Variants in ENAM observed in about 807,000 individuals in gnomAD.
ENAM encodes enamelin.
ENAM carries 21 observed loss-of-function variants against 33.6 expected under a neutral mutation model. That is an observed-to-expected ratio of 0.63 (90% confidence interval 0.44 to 0.90). The LOEUF (loss-of-function observed/expected upper bound fraction) is 0.90, where lower values mean the gene tolerates loss of function less well. Among genes scored for constraint, ENAM ranks in the 40% least tolerant of loss-of-function variants. The pLI is 0.00. For missense variants in ENAM, 1,388 were observed against 1,366.9 expected (o/e 1.02, Z -0.24); for synonymous variants, 473 against 468.4 (o/e 1.01, Z -0.13).
chr4:70,632,843 C>T, intron 5 of ENAM, 151 bp downstream of exon 5: 1 of 685,136 alleles, frequency 1.5e-6, no homozygotes, highest in Non-Finnish European at 2.7e-6. Flanking sequence ...AATTATTGCC[C>T]CTATCCTCTC....
chr4:70,638,563 G>A (rs547234312), intron 8 of ENAM, among the ~76,000 whole-genome samples: 18 of 147,296 alleles, frequency 1.2e-4, no homozygotes, highest in African/African-American at 4.0e-4. Flanking sequence ...GTGACAGAGC[G>A]AGACTATCTC....
chr4:70,643,933 CTA>C lies in ENAM; in HGVS notation c.2508_2509del (p.Arg837AspfsTer13), dbSNP rs868059908. 9 of 1,614,144 alleles carry C rather than the reference CTA, an allele frequency of 5.6e-6. No homozygotes were observed. The highest frequency in any genetic ancestry group is 7.6e-6 in the Non-Finnish European group (9 of 1,179,980). On this transcript the variant is annotated frameshift_variant, in exon 9 of 9. Coordinates refer to ENST00000396073, the MANE Select transcript of ENAM (RefSeq NM_031889.3). LOFTEE classifies it low-confidence loss of function (END_TRUNC). ...AATTTGAACTATGGCATGCAAATAA[CTA>C]GGATGAATTCTCCAGAGAGAGAACA...
At chr4:70,641,390 T>C (rs1207820802) in intron 8 of ENAM, among the ~76,000 whole-genome samples, 3 of 149,764 alleles carry the variant, frequency 2.0e-5, no homozygotes, top group Admixed American at 6.6e-5. Context: ...ATTTTATTTA[T>C]TTATTTATTT....
Position 70,636,541 on chromosome 4 carries a change from G to A in ENAM, c.534+647G>A, listed in dbSNP as rs574461463. 1.3e-3 allele frequency among the ~76,000 whole-genome samples: 194 copies of A among 152,248 alleles called. 2 individuals are homozygous for A. The highest frequency in any genetic ancestry group is 4.6e-3 in the African/African-American group (191 of 41,554). On this transcript the variant is annotated intron_variant, in intron 7 of 8. Coordinates refer to ENST00000396073, the MANE Select transcript of ENAM (RefSeq NM_031889.3). The stretch of plus-strand genomic sequence containing the variant: ...CCCAGCACTTTGGGAAGCCGAGGCA[G>A]GCGGATCACCTGAGGTCAGGAGTTC...
intron 8 of ENAM, 48 bp from the exon 9 acceptor site, chr4:70,641,967 T>C: frequency 7.1e-7 from 1 of 1,409,544 alleles, no homozygotes; most frequent in Non-Finnish European, 1.0e-6. Flanking sequence ...AACAACACCA[T>C]GGTGGGAAAC....
At chr4:70,639,262 G>A (rs1241166552) in intron 8 of ENAM, among the ~76,000 whole-genome samples, 1 of 150,876 alleles carries the variant, frequency 6.6e-6, no homozygotes, top group Non-Finnish European at 1.5e-5. Context: ...AAAGGAAGCA[G>A]AAAGATCCAG....
In ENAM at chr4:70,645,255, G is replaced by A. The variant is rs1051712745; in HGVS notation, c.*400G>A. On this transcript the variant is annotated 3_prime_UTR_variant, in exon 9 of 9. Coordinates refer to ENST00000396073, the MANE Select transcript of ENAM (RefSeq NM_031889.3). ...TCTACTTATGGAGATCCACACATCA[G>A]TATAGTCCTGATGCACTGTACGTTT... 5.1e-5 allele frequency: 16 copies of A among 315,784 alleles called. No individual in the cohort carries two copies. Among genetic ancestry groups the A allele is most frequent in the African/African-American group, 2.7e-4 (13 of 47,932 alleles). 19.6% of individuals were successfully genotyped at this position (315,784 alleles called of 1,614,324 possible).
At position 70,642,591 on chromosome 4, in the gene ENAM, G is replaced by A. The variant is rs74511578; in HGVS notation, c.1165G>A (p.Gly389Ser). ...YHKAYPPTSRGNYPNYAGNPA... is the reference protein window; with the variant it reads ...YHKAYPPTSRSNYPNYAGNPA... ...CAAAGCTTACCCTCCTACTTCAAGA[G>A]GCAATTATCCCAATTATGCAGGAAA... is the stretch of plus-strand genomic sequence containing the variant. Residue 389 changes from glycine (G) to serine (S), a missense_variant, in exon 9 of 9, where the codon GGC (glycine) becomes AGC (serine). Transcript: ENST00000396073. The A allele has an allele frequency of 1.8e-3, 2,909 of 1,613,916 alleles. 57 individuals are homozygous for A. The African/African-American group carries it at 0.034, about 19-fold the overall frequency.
At chr4:70,631,206 T>C (rs1421108686) in intron 2 of ENAM, among the ~76,000 whole-genome samples, 1 of 152,218 alleles carries the variant, frequency 6.6e-6, no homozygotes, top group Non-Finnish European at 1.5e-5. Context: ...GTTTTGATTT[T>C]GGAGTGTGCC....
Position 70,643,092 on chromosome 4 carries a change from G to C in ENAM, c.1666G>C (p.Ala556Pro). The change falls in exon 9 of 9, where the codon GCA becomes CCA. Residue 556 changes from alanine to proline, a missense_variant. By Grantham distance (27) the Ala-to-Pro change is conservative. Transcript: ENST00000396073. Reference protein sequence around the residue: ...AVYPEEIPSPAKEHFPAGRNT... With the variant: ...AVYPEEIPSPPKEHFPAGRNT... ...ATACCCTGAGGAAATCCCTTCTCCTGCAAAAGAACATTTTCCTGCTGGAAG... is the reference window on the plus strand; with the variant it reads ...ATACCCTGAGGAAATCCCTTCTCCTCCAAAAGAACATTTTCCTGCTGGAAG... 2 of 1,613,872 alleles carry C rather than the reference G, an allele frequency of 1.2e-6. No homozygotes were observed. Among genetic ancestry groups the C allele is most frequent in the Non-Finnish European group, 8.5e-7 (1 of 1,179,978 alleles).
chr4:70,635,502 T>A (rs769949122), intron 6 of ENAM, among the ~76,000 whole-genome samples: 2 of 152,202 alleles, frequency 1.3e-5, no homozygotes, highest in Non-Finnish European at 2.9e-5. Flanking sequence ...GCTTCAGTGA[T>A]TTACGAGCAA....
rs759640293 is a variant in ENAM, at chr4:70,643,932, A to G, written c.2506A>G (p.Thr836Ala). The part of the protein sequence containing the change: ...GENLNYGMQI[T>A]RMNSPEREHS... The stretch of plus-strand genomic sequence containing the variant: ...GAATTTGAACTATGGCATGCAAATA[A>G]CTAGGATGAATTCTCCAGAGAGAGA... The change falls in exon 9 of 9, where the codon ACT (threonine) becomes GCT (alanine). Residue 836 changes from threonine (T) to alanine (A), a missense_variant. By Grantham distance (58) the Thr-to-Ala change is moderately conservative. Transcript: ENST00000396073. The G allele has an allele frequency of 6.2e-7, 1 of 1,614,178 alleles. No homozygotes were observed. Among genetic ancestry groups the G allele is most frequent in the Non-Finnish European group, 8.5e-7 (1 of 1,179,990 alleles).
At chr4:70,637,740 G>T (rs770210856) in intron 7 of ENAM, 50 bp from the exon 8 acceptor site, 1 of 1,375,494 alleles carries the variant, frequency 7.3e-7, no homozygotes, top group Middle Eastern at 1.8e-4. Flanking sequence ...AACAAATGGC[G>T]GCATCGAACG....
Position 70,646,386 on chromosome 4 carries a change from C to A in ENAM, c.*1531C>A, listed in dbSNP as rs1395249543. 1 of 152,172 alleles carries A rather than the reference C, an allele frequency of 6.6e-6. No individual in the cohort carries two copies. The highest frequency in any genetic ancestry group is 6.5e-5 in the Admixed American group (1 of 15,284). 9.4% of individuals were successfully genotyped at this position (152,172 alleles called of 1,614,324 possible). A position where few individuals can be genotyped will look rare whatever the true frequency, so the allele number is the denominator to read the frequency against. On this transcript the variant is annotated 3_prime_UTR_variant, in exon 9 of 9. Transcript: ENST00000396073. ...TCTTCAGGGGCAGATTTCATAACAA[C>A]ATCTCAAAAATTTGGGGAAACACAA... is the stretch of plus-strand genomic sequence containing the variant.
chr4:70,637,696 A>T, intron 7 of ENAM, 94 bp from the exon 8 acceptor site: 1 of 910,920 alleles, frequency 1.1e-6, no homozygotes, highest in Non-Finnish European at 1.9e-6. Flanking sequence ...TCAATCATTG[A>T]CTTGAGCTAT....
chr4:70,642,116 A>T lies in ENAM; in HGVS notation c.690A>T (p.Glu230Asp). 1 of 1,614,152 alleles carries T rather than the reference A, an allele frequency of 6.2e-7. No homozygotes were observed. Among genetic ancestry groups the T allele is most frequent in the East Asian group, 2.2e-5 (1 of 44,894 alleles). ...AAGATTTTGAAAAACCCAAAGAAGA[A>T]GATCCTCCTAAAGCAGAAAGTCCAG... is the stretch of plus-strand genomic sequence containing the variant. ...FEQDFEKPKE[E>D]DPPKAESPGT... Residue 230 changes from glutamate to aspartate, a missense_variant, in exon 9 of 9, where the codon GAA becomes GAT. Coordinates refer to ENST00000396073, the MANE Select transcript of ENAM (RefSeq NM_031889.3).
At chr4:70,630,815 C>T (rs966749218) in intron 2 of ENAM, among the ~76,000 whole-genome samples, 2 of 151,474 alleles carry the variant, frequency 1.3e-5, no homozygotes, top group African/African-American at 2.4e-5. Flanking sequence ...GATCTTGGCT[C>T]ACTGCAACCT....
In ENAM at chr4:70,635,746, G is replaced by A. The variant is rs1577969627; in HGVS notation, c.472-86G>A. The A allele has an allele frequency of 4.6e-6, 4 of 862,896 alleles. No individual in the cohort carries two copies. The East Asian group carries it at 9.8e-5, about 21-fold the overall frequency. 53.5% of individuals were successfully genotyped at this position (862,896 alleles called of 1,614,324 possible). A position where few individuals can be genotyped will look rare whatever the true frequency, so the allele number is the denominator to read the frequency against. Reference sequence around the variant, plus strand: ...TGCAAAGGGAGATGTAGACTCCCAAGTTTCAATTGTATTTAGTTAGTTTCC... The same window carrying A: ...TGCAAAGGGAGATGTAGACTCCCAAATTTCAATTGTATTTAGTTAGTTTCC... On this transcript the variant is annotated intron_variant, in intron 6 of 8. Coordinates refer to ENST00000396073, the MANE Select transcript of ENAM (RefSeq NM_031889.3).
rs767143807 is a variant in ENAM at position 70,644,549 on chromosome 4, G to C, written c.3123G>C (p.Glu1041Asp). ...EGIQSQVQENESERQQQRPSN... is the reference protein window; with the variant it reads ...EGIQSQVQENDSERQQQRPSN... ...TCCAAAGTCAAGTCCAAGAAAATGA[G>C]AGTGAGAGGCAACAGCAAAGACCAT... Residue 1041 changes from glutamate (E) to aspartate (D), a missense_variant, in exon 9 of 9, where the codon GAG (glutamate) becomes GAC (aspartate). Coordinates refer to ENST00000396073, the MANE Select transcript of ENAM (RefSeq NM_031889.3). The C allele has an allele frequency of 3.7e-6, 6 of 1,613,738 alleles. No individual in the cohort carries two copies. Among genetic ancestry groups the C allele is most frequent in the Non-Finnish European group, 4.2e-6 (5 of 1,179,808 alleles).
Sources: allele counts gnomAD v4.1 joint callset (sites outside exome capture counted in the v4.1 genomes callset), GRCh38; gene constraint gnomAD v4.1.1; transcripts MANE v1.5; gene names NCBI Gene and HGNC (gene_info 2026-07-23, HGNC 2026-07-21).